OPCML: variants seen among roughly 807,000 people sequenced by gnomAD.
OPCML encodes the protein opioid-binding protein/cell adhesion molecule.
Under a neutral mutation model 37.8 loss-of-function variants are expected in OPCML, and 13 were observed. The ratio of observed to expected loss-of-function variants is 0.34; its 90% CI spans 0.22 to 0.55. OPCML has a LOEUF of 0.55. OPCML is among the 20% of genes least tolerant of loss of function. The pLI is 0.91. For missense variants in OPCML, 341 were observed against 435.6 expected (o/e 0.78, Z 1.93); for synonymous variants, 176 against 168.8 (o/e 1.04, Z -0.33).
chr11:132,695,942 A>G (rs1237736956), intron 2 of OPCML, among the ~76,000 whole-genome samples: 1 of 152,150 alleles, frequency 6.6e-6, no homozygotes, highest in Non-Finnish European at 1.5e-5. Context: ...AGAGGTATGG[A>G]GGGCAGAAAT....
intron 4 of OPCML, among the ~76,000 whole-genome samples, chr11:132,467,939 G>A (rs2096124727): frequency 6.6e-6 from 1 of 152,204 alleles, no homozygotes; most frequent in Admixed American, 6.5e-5. Context: ...GAACAGCAAG[G>A]TTGAATAGAT....
At chr11:132,828,242 G>A (rs1940477999) in intron 2 of OPCML, among the ~76,000 whole-genome samples, 1 of 152,124 alleles carries the variant, frequency 6.6e-6, no homozygotes, top group Non-Finnish European at 1.5e-5. Flanking sequence ...GGTGGGGGCA[G>A]GAAGGGATGA....
intron 2 of OPCML, among the ~76,000 whole-genome samples, chr11:132,923,977 G>T (rs958974420): frequency 6.6e-6 from 1 of 151,594 alleles, no homozygotes; most frequent in Non-Finnish European, 1.5e-5. Flanking sequence ...TGGTCAGGCT[G>T]GTCTCAAACT....
intron 1 of OPCML, among the ~76,000 whole-genome samples, chr11:133,531,030 T>C (rs976896417): frequency 2.0e-5 from 3 of 152,212 alleles, no homozygotes; most frequent in Admixed American, 2.0e-4. Flanking sequence ...TCTGTGTATA[T>C]ATGTATGAAA....
At chr11:132,656,878 G>C (rs1565751648) in intron 3 of OPCML, among the ~76,000 whole-genome samples, 1 of 152,334 alleles carries the variant, frequency 6.6e-6, no homozygotes, top group East Asian at 1.9e-4. Context: ...AGAAGGACTA[G>C]AGATAACATT....
At chr11:133,393,756 C>T (rs1370728327) in intron 1 of OPCML, among the ~76,000 whole-genome samples, 1 of 152,192 alleles carries the variant, frequency 6.6e-6, no homozygotes. Flanking sequence ...TACTTCTGAA[C>T]ATAACTGGCT....
At chr11:133,477,593 T>G (rs1172812565) in intron 1 of OPCML, among the ~76,000 whole-genome samples, 1 of 152,120 alleles carries the variant, frequency 6.6e-6, no homozygotes, top group Non-Finnish European at 1.5e-5. Context: ...GGACAGGACC[T>G]TTTCTACACT....
chr11:132,522,708 G>C (rs927264495), intron 4 of OPCML, among the ~76,000 whole-genome samples: 2 of 152,156 alleles, frequency 1.3e-5, no homozygotes, highest in African/African-American at 4.8e-5. Flanking sequence ...AAGTCACTCA[G>C]GGCGTTAACA....
intron 1 of OPCML, among the ~76,000 whole-genome samples, chr11:133,314,613 A>G (rs1470671334): frequency 6.6e-6 from 1 of 151,834 alleles, no homozygotes; most frequent in East Asian, 1.9e-4. Flanking sequence ...ATCATTTCCT[A>G]CCATATTCAT....
intron 1 of OPCML, among the ~76,000 whole-genome samples, chr11:133,255,536 C>G (rs574576512): frequency 6.6e-6 from 1 of 152,014 alleles, no homozygotes; most frequent in East Asian, 1.9e-4. Context: ...AGCCAAAAGA[C>G]AAATAAAACA....
intron 1 of OPCML, among the ~76,000 whole-genome samples, chr11:133,504,629 G>T (rs145718430): frequency 1.3e-5 from 2 of 152,322 alleles, no homozygotes; most frequent in African/African-American, 4.8e-5. Flanking sequence ...TTGTTGCGGC[G>T]ATGTTTTTCT....
chr11:133,179,751 C>T (rs942279566), intron 1 of OPCML, among the ~76,000 whole-genome samples: 4 of 152,208 alleles, frequency 2.6e-5, no homozygotes, highest in Admixed American at 2.6e-4. Context: ...GGAACTACAC[C>T]TCGAAGGTAA....
intron 1 of OPCML, among the ~76,000 whole-genome samples, chr11:133,165,660 C>G (rs1342362984): frequency 6.6e-6 from 1 of 152,188 alleles, no homozygotes; most frequent in Non-Finnish European, 1.5e-5. Context: ...GTGCCCTCAG[C>G]TTTTTGTTTC....
chr11:133,403,315 T>C lies in OPCML; in HGVS notation c.61+128949A>G, dbSNP rs374326126. On this transcript the variant is annotated intron_variant, in intron 1 of 7. Coordinates refer to ENST00000524381, the MANE Select transcript of OPCML (RefSeq NM_001012393.5). Reference sequence around the variant, plus strand: ...AAATGTTACTCATTGATCTTACTCATTGTCTTATTTACCATTGCATCCCCT... The same window carrying C: ...AAATGTTACTCATTGATCTTACTCACTGTCTTATTTACCATTGCATCCCCT... Among the ~76,000 whole-genome samples, 27 of 152,326 alleles carry C rather than the reference T, an allele frequency of 1.8e-4. No individual in the cohort carries two copies. In the East Asian group the frequency reaches 2.1e-3, roughly 12 times the overall value.
In OPCML at chr11:132,592,977, G is replaced by A. The variant is rs78827626; in HGVS notation, c.380-63791C>T. 1.3e-3 allele frequency among the ~76,000 whole-genome samples: 202 copies of A among 152,282 alleles called. 2 individuals carry two copies. Among genetic ancestry groups the A allele is most frequent in the East Asian group, 6.0e-3 (31 of 5,190 alleles). ...CTCTTCGAGGAGAGAGCATGTTCACGGAGTTCTGGAGAGTGAGAAATGGAA... is the reference window on the plus strand; with the variant it reads ...CTCTTCGAGGAGAGAGCATGTTCACAGAGTTCTGGAGAGTGAGAAATGGAA... On this transcript the variant is annotated intron_variant, in intron 3 of 7. Coordinates refer to ENST00000524381, the MANE Select transcript of OPCML (RefSeq NM_001012393.5).
intron 7 of OPCML, among the ~76,000 whole-genome samples, chr11:132,425,697 G>T (rs973842936): frequency 4.6e-5 from 7 of 152,182 alleles, no homozygotes; most frequent in Non-Finnish European, 7.3e-5. Context: ...GTTCTCAAAG[G>T]TTACTCTCCA....
intron 1 of OPCML, among the ~76,000 whole-genome samples, chr11:133,292,071 A>G (rs1400869211): frequency 6.6e-6 from 1 of 152,198 alleles, no homozygotes; most frequent in African/African-American, 2.4e-5. Context: ...TAAAAATATC[A>G]TCTATCCCAA....
chr11:133,122,439 C>T (rs1303783174), intron 1 of OPCML, among the ~76,000 whole-genome samples: 1 of 152,122 alleles, frequency 6.6e-6, no homozygotes, highest in East Asian at 1.9e-4. Flanking sequence ...AGTCAGATCT[C>T]TAGTTCCAAA....
rs1465219930 is a variant in OPCML at position 133,440,411 on chromosome 11, A to AAG, written c.61+91852_61+91853insCT. The stretch of plus-strand genomic sequence containing the variant: ...CAAAACTCCATCTCAAAAAAAAAAA[A>AAG]AAAGAAAGAAAGAAATGATTATTAT... On this transcript the variant is annotated intron_variant, in intron 1 of 7. Transcript: ENST00000524381. Among the ~76,000 whole-genome samples, 673 of 149,386 alleles carry AAG rather than the reference A, an allele frequency of 4.5e-3. 8 individuals are homozygous for AAG. The highest frequency in any genetic ancestry group is 0.015 in the African/African-American group (616 of 40,010).
Sources: gnomAD v4.1 joint callset for allele counts (sites outside exome capture counted in the v4.1 genomes callset) on GRCh38, gnomAD v4.1.1 for gene constraint, MANE v1.5 for transcripts, NCBI Gene and HGNC (gene_info 2026-07-23, HGNC 2026-07-21) for gene names.